The following BMPER variants were observed in gnomAD, a reference collection of about 807,000 sequenced individuals.
BMPER encodes the protein BMP-binding endothelial regulator protein.
BMPER carries 45 observed loss-of-function variants against 87.3 expected under a neutral mutation model. That is an observed-to-expected ratio of 0.52 (90% CI 0.41 to 0.66). The LOEUF is 0.66. Among genes scored for constraint, BMPER ranks in the 30% least tolerant of loss-of-function variants. The probability of loss-of-function intolerance (pLI) is 0.00; values close to 1 mark genes in which losing one functional copy is unlikely to be tolerated. For synonymous variants in BMPER, 326 were observed against 316.2 expected, an observed-to-expected ratio of 1.03 and a Z score of -0.33; for missense variants, 784 against 867.5, an observed-to-expected ratio of 0.90 and a Z score of 1.21.
intron 13 of BMPER, among the ~76,000 whole-genome samples, chr7:34,110,397 G>A (rs1170345616): frequency 6.6e-6 from 1 of 152,178 alleles, no homozygotes; most frequent in Non-Finnish European, 1.5e-5. Context: ...GCACAGGTTA[G>A]CGTTTGCTTC....
At chr7:34,102,290 G>A (rs1269631220) in intron 13 of BMPER, among the ~76,000 whole-genome samples, 1 of 152,184 alleles carries the variant, frequency 6.6e-6, no homozygotes, top group Non-Finnish European at 1.5e-5. Context: ...CAAGCCTCAT[G>A]CTCCTCATTG....
chr7:34,105,957 A>C (rs925732428), intron 13 of BMPER, among the ~76,000 whole-genome samples: 4 of 152,172 alleles, frequency 2.6e-5, no homozygotes, highest in Non-Finnish European at 2.9e-5. Context: ...CAGCCCCCAA[A>C]GCCTGTCTTC....
At chr7:33,941,765 C>CCT (rs1784773183) in intron 3 of BMPER, among the ~76,000 whole-genome samples, 1 of 152,202 alleles carries the variant, frequency 6.6e-6, no homozygotes, top group South Asian at 2.1e-4. Context: ...CATTTGCCCA[C>CCT]CTCTCACCTC....
At chr7:34,072,931 T>C (rs1788773747) in intron 11 of BMPER, among the ~76,000 whole-genome samples, 2 of 152,230 alleles carry the variant, frequency 1.3e-5, no homozygotes, top group African/African-American at 4.8e-5. Flanking sequence ...CCAGACATAG[T>C]TCCCCCATAA....
At chr7:34,081,903 G>A (rs1037389328) in intron 12 of BMPER, among the ~76,000 whole-genome samples, 1 of 151,918 alleles carries the variant, frequency 6.6e-6, no homozygotes, top group Non-Finnish European at 1.5e-5. Flanking sequence ...CTCTCTCAGT[G>A]GACAACAGCA....
rs531888241 is a variant in BMPER, at chr7:34,040,551, G to A, written c.577-5755G>A. Among the ~76,000 whole-genome samples, 6 of 152,134 alleles carry A rather than the reference G, an allele frequency of 3.9e-5. No homozygotes were observed. In the South Asian group the frequency reaches 1.2e-3, roughly 32 times the overall value. On this transcript the variant is annotated intron_variant, in intron 6 of 14. Coordinates refer to ENST00000649409, the MANE Select transcript of BMPER (RefSeq NM_001365308.1). ...TTTTTTTTTTTTACAAGAGTCCTGTGGGTGATTCTGACCCACTGCCTAGAT... is the reference window on the plus strand; with the variant it reads ...TTTTTTTTTTTTACAAGAGTCCTGTAGGTGATTCTGACCCACTGCCTAGAT...
chr7:34,134,921 G>GAGGTCTCTGTGTCCA (rs1392872023), intron 13 of BMPER, among the ~76,000 whole-genome samples: 1 of 152,068 alleles, frequency 6.6e-6, no homozygotes, highest in African/African-American at 2.4e-5. Flanking sequence ...TTCCTTAAAG[G>GAGGTCTCTGTGTCCA]AGGTCTCTGT....
At chr7:34,073,306 T>A (rs1337834856) in intron 11 of BMPER, among the ~76,000 whole-genome samples, 1 of 152,200 alleles carries the variant, frequency 6.6e-6, no homozygotes, top group Non-Finnish European at 1.5e-5. Context: ...TCGAACATCA[T>A]AGAGTGCACT....
intron 6 of BMPER, among the ~76,000 whole-genome samples, chr7:34,024,375 A>C (rs1228031329): frequency 7.5e-5 from 7 of 93,534 alleles, no homozygotes; most frequent in African/African-American, 2.1e-4. Flanking sequence ...AAAAAAAAAA[A>C]AAAAAAACAA....
intron 2 of BMPER, among the ~76,000 whole-genome samples, chr7:33,923,770 A>G (rs1012391464): frequency 6.6e-6 from 1 of 152,210 alleles, no homozygotes; most frequent in African/African-American, 2.4e-5. Context: ...CTCTCTCAGC[A>G]TTTATGTGAT....
In BMPER at chr7:34,156,155, C is replaced by T. The variant is rs900634860; in HGVS notation, c.*2882C>T. Among the ~76,000 whole-genome samples the T allele has an allele frequency of 3.9e-5, 6 of 152,258 alleles. No homozygotes were observed. The highest frequency in any genetic ancestry group is 6.5e-5 in the Admixed American group (1 of 15,306). ...GTTGACTGCTTCCTGACCATCAGAC[C>T]GTCCTGTAAGAGGGCATCTTTCAAT... On this transcript the variant is annotated 3_prime_UTR_variant, in exon 15 of 15. Transcript: ENST00000649409.
At position 33,966,514 on chromosome 7, in the gene BMPER, T is replaced by A; in HGVS notation, c.355T>A (p.Phe119Ile). Residue 119 changes from phenylalanine to isoleucine, a missense_variant, in exon 4 of 15, where the codon TTC becomes ATC. By Grantham distance (21) the Phe-to-Ile change is conservative (BLOSUM62 0). Transcript: ENST00000649409. ...TYEGNTYNSS[F>I]KWQSPAEPCV... is the part of the protein sequence containing the mutation. ...TGAAGGAAATACCTATAACAGCTCCTTCAAATGGCAGAGCCCGGCTGAGCC... is the reference window on the plus strand; with the variant it reads ...TGAAGGAAATACCTATAACAGCTCCATCAAATGGCAGAGCCCGGCTGAGCC... 6.2e-7 allele frequency: 1 copy of A among 1,613,888 alleles called. No homozygotes were observed.
At position 34,133,760 on chromosome 7, in the gene BMPER, C is replaced by T. The variant is rs573204438; in HGVS notation, c.1746-9470C>T. 7.2e-5 allele frequency among the ~76,000 whole-genome samples: 11 copies of T among 152,270 alleles called. No individual in the cohort carries two copies. The East Asian group carries it at 2.1e-3, about 29-fold the overall frequency. ...ATAGTGTCAGAATTGAGTTAAATTTCAGGACATCTAGTTGGTGTCCGCTGG... is the reference window on the plus strand; with the variant it reads ...ATAGTGTCAGAATTGAGTTAAATTTTAGGACATCTAGTTGGTGTCCGCTGG... On this transcript the variant is annotated intron_variant, in intron 13 of 14. Transcript: ENST00000649409.
At chr7:34,148,723 A>G (rs1192376089) in intron 14 of BMPER, among the ~76,000 whole-genome samples, 1 of 152,218 alleles carries the variant, frequency 6.6e-6, no homozygotes, top group East Asian at 1.9e-4. Flanking sequence ...AGAAGTTGAA[A>G]GGTAGACTAG....
intron 3 of BMPER, among the ~76,000 whole-genome samples, chr7:33,954,403 T>C (rs1467877739): frequency 6.6e-6 from 1 of 152,228 alleles, no homozygotes; most frequent in South Asian, 2.1e-4. Context: ...TACTTTAAAC[T>C]GTGATGTGCT....
At chr7:34,092,940 T>C (rs2127979826) in intron 13 of BMPER, among the ~76,000 whole-genome samples, 1 of 152,342 alleles carries the variant, frequency 6.6e-6, no homozygotes. Flanking sequence ...AACAGATAGA[T>C]TAATCTTTGT....
chr7:33,991,416 A>T (rs1409941267), intron 6 of BMPER, among the ~76,000 whole-genome samples: 4 of 152,062 alleles, frequency 2.6e-5, no homozygotes, highest in African/African-American at 9.7e-5. Context: ...AGGTGTTTGT[A>T]GTATTCTCTG....
intron 3 of BMPER, chr7:33,939,929 T>C (rs1345186246): frequency 3.7e-6 from 1 of 270,828 alleles, no homozygotes; most frequent in East Asian, 9.2e-5. Context: ...CTTTGTTTTC[T>C]CTCTTTCTAC....
At chr7:34,053,182 G>A (rs914703526) in intron 8 of BMPER, among the ~76,000 whole-genome samples, 4 of 152,142 alleles carry the variant, frequency 2.6e-5, no homozygotes, top group African/African-American at 4.8e-5. Flanking sequence ...GTCTCTGTGC[G>A]TAGCAGGAAG....
Sources: allele counts gnomAD v4.1 joint callset (sites outside exome capture counted in the v4.1 genomes callset), GRCh38; gene constraint gnomAD v4.1.1; transcripts MANE v1.5; gene names NCBI Gene and HGNC (gene_info 2026-07-23, HGNC 2026-07-21).